FANCM: variants seen among roughly 807,000 people sequenced by gnomAD.
FANCM encodes the protein Fanconi anemia group M protein.
A neutral mutation model predicts 199.5 loss-of-function variants in FANCM; 140 were observed. The ratio of observed to expected loss-of-function variants is 0.70; its 90% CI spans 0.61 to 0.81. The LOEUF is 0.81. FANCM is among the 30% of genes least tolerant of loss of function. The pLI is 0.00. For synonymous variants in FANCM, 840 were observed against 836.8 expected (o/e 1.00, Z -0.07); for missense variants, 2,410 against 2,421.4 (o/e 1.00, Z 0.10).
chr14:45,186,960 G>A lies in FANCM; in HGVS notation c.4673-821G>A, dbSNP rs1286526552. ...TGTTGAGGTCCTCCAATCAAGGAAT[G>A]CTAGTGGCTTCTACCAAGATAGTAG... On this transcript the variant is annotated intron_variant, in intron 18 of 22. Transcript: ENST00000267430. 2.0e-5 allele frequency among the ~76,000 whole-genome samples: 3 copies of A among 152,168 alleles called. No individual in the cohort carries two copies. In the East Asian group the frequency reaches 5.8e-4, roughly 29 times the overall value.
At chr14:45,143,323 C>T in intron 3 of FANCM, among the ~76,000 whole-genome samples, 1 of 152,090 alleles carries the variant, frequency 6.6e-6, no homozygotes, top group Non-Finnish European at 1.5e-5. Context: ...CCTGCCACCA[C>T]ACCCAGCAAA....
intron 16 of FANCM, 66 bp from the exon 17 acceptor site, chr14:45,183,708 G>C (rs1160506571): frequency 8.9e-7 from 1 of 1,121,718 alleles, no homozygotes; most frequent in Non-Finnish European, 1.3e-6. Flanking sequence ...AGTTGTAAGA[G>C]CAATTTTACT....
rs576643966 is a variant in FANCM at position 45,180,070 on chromosome 14, G to T, written c.4223-1360G>T. 3.3e-5 allele frequency among the ~76,000 whole-genome samples: 5 copies of T among 152,216 alleles called. No individual in the cohort carries two copies. The South Asian group carries it at 1.0e-3, about 32-fold the overall frequency. Reference sequence around the variant, plus strand: ...ATCCACCACTGTCTAGTTCCAAAGCGACTTTCCCAGTTTAGGTTTTTGTTA... The same window carrying T: ...ATCCACCACTGTCTAGTTCCAAAGCTACTTTCCCAGTTTAGGTTTTTGTTA... On this transcript the variant is annotated intron_variant, in intron 14 of 22. Transcript: ENST00000267430.
chr14:45,171,229 C>T (rs1381364461), intron 12 of FANCM, among the ~76,000 whole-genome samples: 1 of 151,918 alleles, frequency 6.6e-6, no homozygotes, highest in Non-Finnish European at 1.5e-5. Context: ...GCCTCAGCCT[C>T]CCAAGTAGCT....
Position 45,137,118 on chromosome 14 carries a change from G to A in FANCM, c.558G>A (p.Val186=), listed in dbSNP as rs2139106557. 6.2e-7 allele frequency: 1 copy of A among 1,613,522 alleles called. No individual in the cohort carries two copies. Among genetic ancestry groups the A allele is most frequent in the African/African-American group, 1.3e-5 (1 of 75,044 alleles). The change falls in exon 2 of 23, where the codon GTG becomes GTA. Residue 186 remains valine, a synonymous_variant. Coordinates refer to ENST00000267430, the MANE Select transcript of FANCM (RefSeq NM_020937.4). ...AGGAAATATGGTGCAGTAAGAGAGT[G>A]CTTTTTCTTACACCTCAGGTCATGG... The part of the protein sequence containing the change: ...TRKEIWCSKR[V]LFLTPQVMVN...
In FANCM at chr14:45,192,629, C is replaced by G. The variant is rs112634868; in HGVS notation, c.5340+3267C>G. Among the ~76,000 whole-genome samples, 371 of 151,852 alleles carry G rather than the reference C, an allele frequency of 2.4e-3. 6 individuals carry two copies. The highest frequency in any genetic ancestry group is 8.7e-3 in the African/African-American group (360 of 41,396). On this transcript the variant is annotated intron_variant, in intron 20 of 22. Transcript: ENST00000267430. Reference sequence around the variant, plus strand: ...CTGCACTCCAGCCTGTGCAACATAGCGAGACTCCATCTCAAAAAAAAAGAA... The same window carrying G: ...CTGCACTCCAGCCTGTGCAACATAGGGAGACTCCATCTCAAAAAAAAAGAA...
In FANCM at chr14:45,183,761, C is replaced by G. The variant is rs548622939; in HGVS notation, c.4387-13C>G. 1 of 1,597,100 alleles carries G rather than the reference C, an allele frequency of 6.3e-7. No homozygotes were observed. The highest frequency in any genetic ancestry group is 8.6e-7 in the Non-Finnish European group (1 of 1,166,886). ...TTTTTTTCTTATGCAAGAATTTTGT[C>G]GAATTATTATAGTCAGAATTATCAT... On this transcript the variant is annotated splice_polypyrimidine_tract_variant and intron_variant, in intron 16 of 22. Transcript: ENST00000267430.
At position 45,166,979 on chromosome 14, in the gene FANCM, A is replaced by T; in HGVS notation, c.1818A>T (p.Arg606Ser). ...RIYNQSQSNKRSIYKAISSNR... is the reference protein window; with the variant it reads ...RIYNQSQSNKSSIYKAISSNR... Reference sequence around the variant, plus strand: ...ATAATCAGAGTCAGTCCAACAAAAGAAGTATATATAAAGCTATTTCAAGTA... The same window carrying T: ...ATAATCAGAGTCAGTCCAACAAAAGTAGTATATATAAAGCTATTTCAAGTA... Residue 606 changes from arginine to serine, a missense_variant, in exon 11 of 23, where the codon AGA (arginine) becomes AGT (serine). Arg to Ser is a moderately radical substitution (Grantham distance 110). Transcript: ENST00000267430. The T allele has an allele frequency of 6.3e-7, 1 of 1,590,290 alleles. No individual in the cohort carries two copies. Among genetic ancestry groups the T allele is most frequent in the Non-Finnish European group, 8.6e-7 (1 of 1,158,504 alleles).
In FANCM at chr14:45,198,625, C is replaced by T. The variant is rs758094438; in HGVS notation, c.5717-19C>T. 1.3e-6 allele frequency: 2 copies of T among 1,588,498 alleles called. No individual in the cohort carries two copies. The highest frequency in any genetic ancestry group is 1.2e-5 in the South Asian group (1 of 86,698). Reference sequence around the variant, plus strand: ...TATTAGTTACTGAAGTTTGCCTTTCCCTAAATATGAATATTTAGGAGACAC... The same window carrying T: ...TATTAGTTACTGAAGTTTGCCTTTCTCTAAATATGAATATTTAGGAGACAC... On this transcript the variant is annotated intron_variant, in intron 21 of 22. Transcript: ENST00000267430.
At chr14:45,141,160 C>T (rs1885897113) in intron 3 of FANCM, among the ~76,000 whole-genome samples, 1 of 151,772 alleles carries the variant, frequency 6.6e-6, no homozygotes, top group Non-Finnish European at 1.5e-5. Context: ...TGGTGGTGGG[C>T]ACCTGTAGTC....
chr14:45,189,504 G>C, intron 20 of FANCM, 142 bp downstream of exon 20: 1 of 659,726 alleles, frequency 1.5e-6, no homozygotes. Flanking sequence ...CTTCAAACAA[G>C]AAAACAATAC....
chr14:45,136,002 T>C lies in FANCM; in HGVS notation c.-30T>C. 3.7e-6 allele frequency: 6 copies of C among 1,612,328 alleles called. No homozygotes were observed. Among genetic ancestry groups the C allele is most frequent in the Non-Finnish European group, 5.1e-6 (6 of 1,179,792 alleles). Reference sequence around the variant, plus strand: ...TTGAGCTGCTGCTGCTACGGATATCTGACAGAAGCCTTCGGTGGTTGTCGG... The same window carrying C: ...TTGAGCTGCTGCTGCTACGGATATCCGACAGAAGCCTTCGGTGGTTGTCGG... On this transcript the variant is annotated 5_prime_UTR_variant, in exon 1 of 23. Transcript: ENST00000267430.
In FANCM at chr14:45,175,939, A is replaced by ATC; in HGVS notation, c.3185_3186insTC (p.Glu1062AspfsTer34). On this transcript the variant is annotated frameshift_variant, in exon 14 of 23. Transcript: ENST00000267430. LOFTEE classifies it high-confidence loss of function. ...CTTAAATGTATAAATTATCCATCTG[A>ATC]AAAAAGTTGCCTTTATGATATACCT... is the stretch of plus-strand genomic sequence containing the variant. 1.2e-6 allele frequency: 2 copies of ATC among 1,613,302 alleles called. No homozygotes were observed. The highest frequency in any genetic ancestry group is 1.7e-6 in the Non-Finnish European group (2 of 1,179,434).
At chr14:45,151,818 A>G (rs1886837975) in intron 5 of FANCM, among the ~76,000 whole-genome samples, 1 of 151,006 alleles carries the variant, frequency 6.6e-6, no homozygotes, top group Non-Finnish European at 1.5e-5. Flanking sequence ...AGCCTGAGGC[A>G]GGGTAGGATT....
intron 21 of FANCM, 76 bp from the exon 22 acceptor site, chr14:45,198,568 A>ATCTT: frequency 2.2e-6 from 2 of 904,524 alleles, no homozygotes; most frequent in South Asian, 2.4e-5. Flanking sequence ...TGGGATTTTA[A>ATCTT]TAAAATAAAG....
chr14:45,186,553 C>T (rs376083782), intron 18 of FANCM, among the ~76,000 whole-genome samples: 4 of 152,108 alleles, frequency 2.6e-5, no homozygotes, highest in African/African-American at 9.7e-5. Context: ...TCTCAAAGTT[C>T]GTGACTTTTA....
Position 45,176,561 on chromosome 14 carries a change from A to T in FANCM, c.3807A>T (p.Ile1269=). The change falls in exon 14 of 23, where the codon ATA becomes ATT. Residue 1269 remains isoleucine, a synonymous_variant. Transcript: ENST00000267430. ...LYGRYLEIKE[I]SDANYVSNQA... ...GAAGGTATTTGGAAATTAAGGAGAT[A>T]AGTGATGCAAATTATGTTTCGAATC... The T allele has an allele frequency of 6.2e-7, 1 of 1,603,572 alleles. No individual in the cohort carries two copies. The highest frequency in any genetic ancestry group is 8.5e-7 in the Non-Finnish European group (1 of 1,174,358).
At chr14:45,140,111 TTTCTC>T (rs1885805111) in intron 2 of FANCM, among the ~76,000 whole-genome samples, 1 of 152,382 alleles carries the variant, frequency 6.6e-6, no homozygotes, top group South Asian at 2.1e-4. Flanking sequence ...TCTGTTAAGA[TTTCTC>T]TTAATCTGTC....
chr14:45,140,063 T>C (rs1220447408), intron 2 of FANCM, among the ~76,000 whole-genome samples: 1 of 152,214 alleles, frequency 6.6e-6, no homozygotes, highest in African/African-American at 2.4e-5. Flanking sequence ...ATTTCAAATA[T>C]AATTTCGTAT....
Sources: gnomAD v4.1 joint callset for allele counts (sites outside exome capture counted in the v4.1 genomes callset) on GRCh38, gnomAD v4.1.1 for gene constraint, MANE v1.5 for transcripts, NCBI Gene and HGNC (gene_info 2026-07-23, HGNC 2026-07-21) for gene names.